Variants in SLC5A3 observed in about 807,000 individuals in gnomAD.
SLC5A3 encodes the protein solute carrier family 5 member 3, also known as sodium/myo-inositol cotransporter.
SLC5A3 carries 10 observed loss-of-function variants against 43.2 expected under a neutral mutation model. That is an observed-to-expected ratio of 0.23 (90% CI 0.14 to 0.39). The LOEUF is 0.39. Ranked by LOEUF, SLC5A3 falls within the 10% of genes least tolerant of loss-of-function variation. The probability of loss-of-function intolerance (pLI) is 1.00; values close to 1 mark genes in which losing one functional copy is unlikely to be tolerated. For missense variants in SLC5A3, 608 were observed against 893.4 expected, an observed-to-expected ratio of 0.68 and a Z score of 4.07; for synonymous variants, 349 against 322.0, an observed-to-expected ratio of 1.08 and a Z score of -0.90.
In SLC5A3 at chr21:34,096,101, G is replaced by A; in HGVS notation, c.903G>A (p.Met301Ile). The change falls in exon 2 of 2, where the codon ATG becomes ATA. Residue 301 changes from methionine (M) to isoleucine (I), a missense_variant. Met to Ile is a conservative substitution (Grantham distance 10). Coordinates refer to ENST00000381151, the MANE Select transcript of SLC5A3 (RefSeq NM_006933.7). The surrounding 1 kb of genome is among the most constrained non-coding windows in gnomAD (Gnocchi z 5.9). ...NIAHAKGSTL[M>I]AGFLKLLPMF... ...CTCATGCCAAAGGCTCTACTCTTAT[G>A]GCTGGCTTCTTAAAGCTCCTGCCAA... 1 of 1,614,100 alleles carries A rather than the reference G, an allele frequency of 6.2e-7. No individual in the cohort carries two copies. Among genetic ancestry groups the A allele is most frequent in the Non-Finnish European group, 8.5e-7 (1 of 1,179,996 alleles).
At chr21:34,091,505 A>G (rs1978691188) in intron 1 of SLC5A3, among the ~76,000 whole-genome samples, 1 of 152,210 alleles carries the variant, frequency 6.6e-6, no homozygotes, top group Admixed American at 6.5e-5. Context: ...CATTTTGGTT[A>G]ACATGGTTAT....
rs557678942 is a variant in SLC5A3, at chr21:34,103,064, C to A, written c.*5709C>A. 6.0e-6 allele frequency: 6 copies of A among 999,890 alleles called. No individual in the cohort carries two copies. The African/African-American group carries it at 1.0e-4, about 17-fold the overall frequency. 61.9% of individuals were successfully genotyped at this position (999,890 alleles called of 1,614,324 possible). A position where few individuals can be genotyped will look rare whatever the true frequency, so the allele number is the denominator to read the frequency against. On this transcript the variant is annotated 3_prime_UTR_variant, in exon 2 of 2. Coordinates refer to ENST00000381151, the MANE Select transcript of SLC5A3 (RefSeq NM_006933.7). Reference sequence around the variant, plus strand: ...CCTAGACTTCTGTAAGTGGAATGTTCATTAGTAACTCATCTTTTTGTTGTT... The same window carrying A: ...CCTAGACTTCTGTAAGTGGAATGTTAATTAGTAACTCATCTTTTTGTTGTT...
chr21:34,101,723 C>T lies in SLC5A3; in HGVS notation c.*4368C>T. On this transcript the variant is annotated 3_prime_UTR_variant, in exon 2 of 2. Transcript: ENST00000381151. ...CCCCAGTATTGAGGACTTTTAGATC[C>T]AAATAATGACTCATTAAATATAATT... The T allele has an allele frequency of 2.0e-5, 20 of 992,888 alleles. No homozygotes were observed. Among genetic ancestry groups the T allele is most frequent in the Non-Finnish European group, 2.4e-5 (20 of 823,450 alleles). The allele number at this position is 992,888 out of a possible 1,614,324, so 61.5% of individuals were successfully genotyped here.
rs535704229 is a variant in SLC5A3, at chr21:34,103,033, A to G, written c.*5678A>G. The G allele has an allele frequency of 9.5e-5, 95 of 1,000,044 alleles. 2 individuals carry two copies. The South Asian group carries it at 3.7e-3, about 39-fold the overall frequency. 61.9% of individuals were successfully genotyped at this position (1,000,044 alleles called of 1,614,324 possible). On this transcript the variant is annotated 3_prime_UTR_variant, in exon 2 of 2. Coordinates refer to ENST00000381151, the MANE Select transcript of SLC5A3 (RefSeq NM_006933.7). ...GTCTAGATAAGTTTTCAATTTATCAACATAGCCTAGACTTCTGTAAGTGGA... is the reference window on the plus strand; with the variant it reads ...GTCTAGATAAGTTTTCAATTTATCAGCATAGCCTAGACTTCTGTAAGTGGA...
At position 34,098,003 on chromosome 21, in the gene SLC5A3, T is replaced by C. The variant is rs544972530; in HGVS notation, c.*648T>C. On this transcript the variant is annotated 3_prime_UTR_variant, in exon 2 of 2. Coordinates refer to ENST00000381151, the MANE Select transcript of SLC5A3 (RefSeq NM_006933.7). ...CTTTGTTCCAGTTCCTTTTTTTTTTTCTTTCTACTTTCAAGTTTAAGTGAA... is the reference window on the plus strand; with the variant it reads ...CTTTGTTCCAGTTCCTTTTTTTTTTCCTTTCTACTTTCAAGTTTAAGTGAA... 102 of 998,342 alleles carry C rather than the reference T, an allele frequency of 1.0e-4. No homozygotes were observed. In the East Asian group the frequency reaches 5.4e-3, roughly 53 times the overall value. The allele number at this position is 998,342 out of a possible 1,614,324, so 61.8% of individuals were successfully genotyped here. A position where few individuals can be genotyped will look rare whatever the true frequency, so the allele number is the denominator to read the frequency against.
rs1989239216 is a variant in SLC5A3 at position 34,073,582 on chromosome 21, T to A, written c.-500T>A. 1 of 848,976 alleles carries A rather than the reference T, an allele frequency of 1.2e-6. No homozygotes were observed. Among genetic ancestry groups the A allele is most frequent in the African/African-American group, 1.8e-5 (1 of 54,808 alleles). 52.6% of individuals were successfully genotyped at this position (848,976 alleles called of 1,614,324 possible). A position where few individuals can be genotyped will look rare whatever the true frequency, so the allele number is the denominator to read the frequency against. ...GGGCTCGCGCTCTCGGACCGTGCTT[T>A]CGCCGCCTGGGAGCCGTCCGGCGCA... On this transcript the variant is annotated 5_prime_UTR_variant, in exon 1 of 2. Transcript: ENST00000381151.
chr21:34,099,189 A>G lies in SLC5A3; in HGVS notation c.*1834A>G, dbSNP rs1979116494. 1.0e-6 allele frequency: 1 copy of G among 999,780 alleles called. No individual in the cohort carries two copies. The highest frequency in any genetic ancestry group is 6.2e-5 in the Admixed American group (1 of 16,248). 61.9% of individuals were successfully genotyped at this position (999,780 alleles called of 1,614,324 possible). A position where few individuals can be genotyped will look rare whatever the true frequency, so the allele number is the denominator to read the frequency against. ...TTCTGAAGAGCTTAGAGTGCCTTGT[A>G]GAATTTTTTTCTCAATTTTATTCTT... is the stretch of plus-strand genomic sequence containing the variant. On this transcript the variant is annotated 3_prime_UTR_variant, in exon 2 of 2. Coordinates refer to ENST00000381151, the MANE Select transcript of SLC5A3 (RefSeq NM_006933.7).
intron 1 of SLC5A3, among the ~76,000 whole-genome samples, chr21:34,086,680 T>C (rs1978401580): frequency 6.6e-6 from 1 of 152,216 alleles, no homozygotes; most frequent in Non-Finnish European, 1.5e-5. Context: ...CATTATCATG[T>C]CTGCCTCTTG....
chr21:34,090,700 C>G (rs532847111), intron 1 of SLC5A3, among the ~76,000 whole-genome samples: 6 of 152,184 alleles, frequency 3.9e-5, no homozygotes, highest in Non-Finnish European at 7.3e-5. Context: ...GCAATACTAG[C>G]TTTCTCTGTT....
intron 1 of SLC5A3, among the ~76,000 whole-genome samples, chr21:34,081,757 G>T (rs1026926957): frequency 6.6e-6 from 1 of 152,132 alleles, no homozygotes; most frequent in Non-Finnish European, 1.5e-5. Flanking sequence ...AAGTAGCTTT[G>T]TGGTCTTAGG....
intron 1 of SLC5A3, 24 bp downstream of exon 1, chr21:34,073,769 G>A: frequency 3.4e-6 from 5 of 1,476,536 alleles, no homozygotes; most frequent in Non-Finnish European, 3.6e-6. Context: ...CCTCAGAGCC[G>A]GTCTTCCCGC....
chr21:34,092,701 C>T (rs888063745), intron 1 of SLC5A3, among the ~76,000 whole-genome samples: 1 of 152,164 alleles, frequency 6.6e-6, no homozygotes, highest in Admixed American at 6.5e-5. Context: ...TTTTCTTTTT[C>T]AGCACTTTGT....
Position 34,103,298 on chromosome 21 carries a change from G to A in SLC5A3, c.*5943G>A, listed in dbSNP as rs1284304312. 22 of 974,078 alleles carry A rather than the reference G, an allele frequency of 2.3e-5. No individual in the cohort carries two copies. Among genetic ancestry groups the A allele is most frequent in the Middle Eastern group, 1.1e-3 (2 of 1,870 alleles). The allele number at this position is 974,078 out of a possible 1,614,324, so 60.3% of individuals were successfully genotyped here. Reference sequence around the variant, plus strand: ...TTTGTTATTCCTCTTAAATTTTGTCGTAACTAGTGAAGGAAGTAAAAAAAA... The same window carrying A: ...TTTGTTATTCCTCTTAAATTTTGTCATAACTAGTGAAGGAAGTAAAAAAAA... On this transcript the variant is annotated 3_prime_UTR_variant, in exon 2 of 2. Coordinates refer to ENST00000381151, the MANE Select transcript of SLC5A3 (RefSeq NM_006933.7).
chr21:34,084,979 G>A (rs1261562524), intron 1 of SLC5A3, among the ~76,000 whole-genome samples: 1 of 151,912 alleles, frequency 6.6e-6, no homozygotes, highest in East Asian at 1.9e-4. Flanking sequence ...ACCTTTCTTA[G>A]GAATAAGGGC....
chr21:34,084,241 A>G (rs117050296), intron 1 of SLC5A3, among the ~76,000 whole-genome samples: 2,304 of 151,342 alleles, frequency 0.015, 18 homozygotes, highest in Non-Finnish European at 0.024. Context: ...TTCTATTTAT[A>G]ACTTGGCCTG....
rs1156534927 is a variant in SLC5A3, at chr21:34,104,824, C to G, written c.*7469C>G. 5.0e-6 allele frequency: 5 copies of G among 999,896 alleles called. No individual in the cohort carries two copies. The highest frequency in any genetic ancestry group is 6.0e-6 in the Non-Finnish European group (5 of 829,688). 61.9% of individuals were successfully genotyped at this position (999,896 alleles called of 1,614,324 possible). A position where few individuals can be genotyped will look rare whatever the true frequency, so the allele number is the denominator to read the frequency against. On this transcript the variant is annotated 3_prime_UTR_variant, in exon 2 of 2. Coordinates refer to ENST00000381151, the MANE Select transcript of SLC5A3 (RefSeq NM_006933.7). ...ATCCTACGTACTATGTGTTCTGTAC[C>G]TTTACATGTTTTTAAATTTAAGATA... is the stretch of plus-strand genomic sequence containing the variant.
rs1224216873 is a variant in SLC5A3, at chr21:34,096,083, C to T, written c.885C>T (p.Ala295=). The change falls in exon 2 of 2, where the codon GCC becomes GCT. Residue 295 remains alanine (A), a synonymous_variant. Transcript: ENST00000381151. This position sits in a 1 kb window ranked among gnomAD's most constrained non-coding sequence, Gnocchi z 5.9. The part of the protein sequence containing the change: ...RVLAAKNIAH[A]KGSTLMAGFL... ...TTGCAGCCAAAAACATTGCTCATGC[C>T]AAAGGCTCTACTCTTATGGCTGGCT... 6.2e-7 allele frequency: 1 copy of T among 1,614,082 alleles called. No homozygotes were observed.
chr21:34,086,246 G>C (rs920764615), intron 1 of SLC5A3, among the ~76,000 whole-genome samples: 48 of 152,226 alleles, frequency 3.2e-4, no homozygotes, highest in African/African-American at 1.1e-3. Flanking sequence ...GCACTTAAGT[G>C]GTCTTGGGAG....
rs149965430 is a variant in SLC5A3 at position 34,083,680 on chromosome 21, A to G, written c.-337+9935A>G. ...TGAAGTATAGTATCTTGAAGCTTTA[A>G]GACACCAAGTTTCCATTAGGCAGCC... On this transcript the variant is annotated intron_variant, in intron 1 of 1. Coordinates refer to ENST00000381151, the MANE Select transcript of SLC5A3 (RefSeq NM_006933.7). 3.0e-3 allele frequency among the ~76,000 whole-genome samples: 459 copies of G among 152,312 alleles called. 1 individual carries two copies. Among genetic ancestry groups the G allele is most frequent in the African/African-American group, 0.01 (428 of 41,554 alleles).
Sources: allele counts gnomAD v4.1 joint callset (sites outside exome capture counted in the v4.1 genomes callset), GRCh38; gene constraint gnomAD v4.1.1; non-coding constraint Gnocchi (gnomAD v3.1); transcripts MANE v1.5; gene names NCBI Gene and HGNC (gene_info 2026-07-23, HGNC 2026-07-21).